AUTS2: variants seen among roughly 807,000 people sequenced by gnomAD.
AUTS2 encodes activator of transcription and developmental regulator AUTS2.
AUTS2 carries 17 observed loss-of-function variants against 112.4 expected under a neutral mutation model. The observed-to-expected ratio is 0.15, with a 90% confidence interval of 0.10 to 0.23. The LOEUF is 0.23. Among genes scored for constraint, AUTS2 ranks in the 10% least tolerant of loss-of-function variants. AUTS2 has a pLI of 1.00. For missense variants in AUTS2, 1,510 were observed against 1,701.6 expected (o/e 0.89, Z 1.98); for synonymous variants, 751 against 702.7 (o/e 1.07, Z -1.09).
In AUTS2 at chr7:70,370,840, C is replaced by CT. The variant is rs567217333; in HGVS notation, c.661-64901dup. On this transcript the variant is annotated intron_variant, in intron 4 of 18. Transcript: ENST00000342771. ...CCATATCCTTGCTAACACTTGTTGT[C>CT]TTTTTTTTTTTATTATAGCCATTAT... Among the ~76,000 whole-genome samples the CT allele has an allele frequency of 8.4e-3, 1,222 of 145,410 alleles. 10 individuals carry two copies. Among genetic ancestry groups the CT allele is most frequent in the Middle Eastern group, 0.025 (7 of 282 alleles).
At chr7:69,991,942 C>A (rs1584539179) in intron 2 of AUTS2, among the ~76,000 whole-genome samples, 1 of 152,060 alleles carries the variant, frequency 6.6e-6, no homozygotes, top group South Asian at 2.1e-4. Context: ...CTGTACTATA[C>A]CTTTGAAGTT....
At chr7:70,406,670 A>ATCAG (rs1239488811) in intron 4 of AUTS2, among the ~76,000 whole-genome samples, 5 of 152,188 alleles carry the variant, frequency 3.3e-5, no homozygotes, top group African/African-American at 1.2e-4. Context: ...TCAATTGGAA[A>ATCAG]TCAGTCACTG....
At chr7:70,192,780 A>G (rs1584860864) in intron 4 of AUTS2, among the ~76,000 whole-genome samples, 1 of 152,114 alleles carries the variant, frequency 6.6e-6, no homozygotes, top group Non-Finnish European at 1.5e-5. Flanking sequence ...TGAAGAAACC[A>G]CCTCCACTGA....
intron 2 of AUTS2, among the ~76,000 whole-genome samples, chr7:70,113,082 T>C (rs1189167044): frequency 1.3e-5 from 2 of 152,148 alleles, no homozygotes; most frequent in Non-Finnish European, 2.9e-5. Context: ...CAAAAGAACC[T>C]TTGATTCTGT....
chr7:69,881,183 AT>A (rs1473457811), intron 1 of AUTS2, among the ~76,000 whole-genome samples: 1 of 152,216 alleles, frequency 6.6e-6, no homozygotes, highest in Non-Finnish European at 1.5e-5. Flanking sequence ...AGGTAATTAC[AT>A]TCATTAATCT....
chr7:70,095,275 C>T (rs1033451156), intron 2 of AUTS2, among the ~76,000 whole-genome samples: 7 of 151,430 alleles, frequency 4.6e-5, no homozygotes, highest in African/African-American at 1.2e-4. Context: ...TGTGTGTGTG[C>T]GTGCGTGCGC....
intron 1 of AUTS2, among the ~76,000 whole-genome samples, chr7:69,809,390 C>T (rs78319368): frequency 0.034 from 5,195 of 152,236 alleles, 128 homozygotes; most frequent in Middle Eastern, 0.085. Context: ...TCATAGACAT[C>T]ATTTTCTTAC....
In AUTS2 at chr7:70,477,440, G is replaced by A. The variant is rs538950327; in HGVS notation, c.690+41659G>A. Reference sequence around the variant, plus strand: ...GAAGTCACTTTTCCAGACTCCCTCCGTTACTCAGGAGGAAACAAACCCAGA... The same window carrying A: ...GAAGTCACTTTTCCAGACTCCCTCCATTACTCAGGAGGAAACAAACCCAGA... On this transcript the variant is annotated intron_variant, in intron 5 of 18. Transcript: ENST00000342771. 3.2e-4 allele frequency among the ~76,000 whole-genome samples: 49 copies of A among 152,244 alleles called. No homozygotes were observed. The East Asian group carries it at 6.2e-3, about 19-fold the overall frequency.
At chr7:69,656,348 C>T (rs577706636) in intron 1 of AUTS2, among the ~76,000 whole-genome samples, 1 of 152,192 alleles carries the variant, frequency 6.6e-6, no homozygotes, top group African/African-American at 2.4e-5. Flanking sequence ...GGCTCAGGTT[C>T]CTGATGCTCC....
At chr7:70,181,580 T>G (rs1369318167) in intron 4 of AUTS2, among the ~76,000 whole-genome samples, 1 of 151,150 alleles carries the variant, frequency 6.6e-6, no homozygotes, top group East Asian at 2.0e-4. Flanking sequence ...CTCTGCTTCC[T>G]GGGTTCAAGG....
chr7:70,476,326 C>T (rs1286923361), intron 5 of AUTS2, among the ~76,000 whole-genome samples: 1 of 152,142 alleles, frequency 6.6e-6, no homozygotes, highest in East Asian at 1.9e-4. Context: ...GTTCCAATGG[C>T]TCAGAGCTTC....
chr7:69,967,270 T>C (rs1797669095), intron 2 of AUTS2, among the ~76,000 whole-genome samples: 1 of 152,048 alleles, frequency 6.6e-6, no homozygotes, highest in Admixed American at 6.6e-5. Flanking sequence ...TCATTATTCA[T>C]CCCGTGGGAG....
chr7:70,183,307 A>G (rs1809420657), intron 4 of AUTS2, among the ~76,000 whole-genome samples: 1 of 152,198 alleles, frequency 6.6e-6, no homozygotes, highest in Non-Finnish European at 1.5e-5. Context: ...AGAAATGCCT[A>G]GAGAGACTTT....
At chr7:70,633,090 A>G (rs1226903570) in intron 5 of AUTS2, among the ~76,000 whole-genome samples, 1 of 152,204 alleles carries the variant, frequency 6.6e-6, no homozygotes, top group Non-Finnish European at 1.5e-5. Flanking sequence ...AGGGCAAGAC[A>G]GTGACTGTCC....
At chr7:69,771,537 C>A (rs1246889888) in intron 1 of AUTS2, among the ~76,000 whole-genome samples, 1 of 152,062 alleles carries the variant, frequency 6.6e-6, no homozygotes, top group Non-Finnish European at 1.5e-5. Context: ...GTAGAAGTGA[C>A]AAAAGGTATG....
intron 6 of AUTS2, among the ~76,000 whole-genome samples, chr7:70,754,909 G>A (rs1392657618): frequency 6.6e-6 from 1 of 152,214 alleles, no homozygotes; most frequent in Non-Finnish European, 1.5e-5. Flanking sequence ...TGACCTTGTA[G>A]TTAGTAAGTC....
At chr7:70,654,708 G>A (rs543185871) in intron 5 of AUTS2, among the ~76,000 whole-genome samples, 52 of 152,280 alleles carry the variant, frequency 3.4e-4, no homozygotes, top group Non-Finnish European at 5.6e-4. Context: ...AGGCTAATTC[G>A]TGAAAGAAAG....
intron 2 of AUTS2, among the ~76,000 whole-genome samples, chr7:70,036,752 G>A (rs1384190668): frequency 2.0e-5 from 3 of 152,196 alleles, no homozygotes; most frequent in African/African-American, 7.2e-5. Flanking sequence ...CTGCCAGCAG[G>A]AATTCCGAAG....
intron 6 of AUTS2, among the ~76,000 whole-genome samples, chr7:70,757,192 A>T (rs1789266312): frequency 6.6e-6 from 1 of 152,102 alleles, no homozygotes. Context: ...AAGCCCTGTA[A>T]TTTTCTTGTT....
Sources: allele counts gnomAD v4.1 joint callset (sites outside exome capture counted in the v4.1 genomes callset), GRCh38; gene constraint gnomAD v4.1.1; transcripts MANE v1.5; gene names NCBI Gene and HGNC (gene_info 2026-07-23, HGNC 2026-07-21).